Variants in CDKAL1 observed in about 807,000 individuals in gnomAD.
The protein encoded by CDKAL1 is threonylcarbamoyladenosine tRNA methylthiotransferase.
In CDKAL1, 32 loss-of-function variants were observed where a neutral mutation model predicts 68.2. The observed-to-expected ratio is 0.47, with a 90% CI of 0.35 to 0.63. CDKAL1 has a LOEUF of 0.63. CDKAL1 is among the 30% of genes least tolerant of loss of function. The pLI, the probability that CDKAL1 is intolerant of heterozygous loss-of-function variation, is 0.00. For missense variants in CDKAL1, 606 were observed against 696.7 expected, an observed-to-expected ratio of 0.87 and a Z score of 1.47; for synonymous variants, 234 against 244.3, an observed-to-expected ratio of 0.96 and a Z score of 0.39.
chr6:21,148,367 T>TA (rs915912554), intron 13 of CDKAL1, among the ~76,000 whole-genome samples: 13 of 152,138 alleles, frequency 8.5e-5, no homozygotes, highest in African/African-American at 2.9e-4. Context: ...TTAATCCTTC[T>TA]AAAAAAATCC....
At chr6:21,030,952 C>A (rs928434826) in intron 11 of CDKAL1, among the ~76,000 whole-genome samples, 73 of 152,188 alleles carry the variant, frequency 4.8e-4, no homozygotes, top group African/African-American at 1.7e-3. Context: ...TATTTGTTTT[C>A]TAATGCCATG....
intron 8 of CDKAL1, among the ~76,000 whole-genome samples, chr6:20,789,403 A>G (rs933937330): frequency 6.6e-6 from 1 of 152,222 alleles, no homozygotes; most frequent in African/African-American, 2.4e-5. Context: ...GAGCTTTCAA[A>G]TGCTGGCTTA....
chr6:20,578,137 C>A (rs977358828), intron 4 of CDKAL1, among the ~76,000 whole-genome samples: 5 of 152,146 alleles, frequency 3.3e-5, no homozygotes, highest in Admixed American at 6.5e-5. Context: ...CTCTAAATTA[C>A]AAAAAATCGA....
intron 4 of CDKAL1, among the ~76,000 whole-genome samples, chr6:20,616,882 C>CACACACACACACACACACA (rs1161605572): frequency 2.7e-5 from 4 of 146,792 alleles, no homozygotes; most frequent in South Asian, 2.2e-4. Flanking sequence ...CACACACACA[C>CACACACACACACACACACA]TACAAAAATT....
intron 9 of CDKAL1, among the ~76,000 whole-genome samples, chr6:20,931,634 A>G (rs1561894169): frequency 6.6e-6 from 1 of 152,112 alleles, no homozygotes; most frequent in East Asian, 1.9e-4. Context: ...TAATATTGGG[A>G]AAAAAAATTT....
intron 4 of CDKAL1, chr6:20,559,259 A>G (rs944130140): frequency 1.3e-5 from 2 of 152,276 alleles, no homozygotes; most frequent in South Asian, 2.1e-4. Context: ...GAGAGTTAAC[A>G]TGTATGGTTG....
At chr6:21,031,247 TG>T (rs111577947) in intron 11 of CDKAL1, among the ~76,000 whole-genome samples, 79 of 151,934 alleles carry the variant, frequency 5.2e-4, no homozygotes, top group African/African-American at 1.6e-3. Flanking sequence ...CCCATTCCCA[TG>T]TGACCCCCAC....
At chr6:20,702,844 C>A (rs944724845) in intron 5 of CDKAL1, among the ~76,000 whole-genome samples, 1 of 152,114 alleles carries the variant, frequency 6.6e-6, no homozygotes, top group Non-Finnish European at 1.5e-5. Flanking sequence ...GGAGCCCTAG[C>A]CAGGGGCCAC....
At chr6:20,657,790 A>G (rs1057486637) in intron 5 of CDKAL1, among the ~76,000 whole-genome samples, 10 of 152,188 alleles carry the variant, frequency 6.6e-5, no homozygotes, top group Admixed American at 4.6e-4. Context: ...TAAGTAGCAA[A>G]AATAGAGATA....
intron 4 of CDKAL1, among the ~76,000 whole-genome samples, chr6:20,568,745 AAAAAAC>A (rs1561931849): frequency 3.9e-5 from 4 of 102,898 alleles, no homozygotes; most frequent in Non-Finnish European, 8.5e-5. Flanking sequence ...AAAAAAAAAA[AAAAAAC>A]AAAAAAACAA....
At chr6:21,174,337 A>G (rs1161852054) in intron 13 of CDKAL1, among the ~76,000 whole-genome samples, 1 of 152,222 alleles carries the variant, frequency 6.6e-6, no homozygotes, top group African/African-American at 2.4e-5. Context: ...TAGAGTCGGT[A>G]TAATCTTAGT....
intron 5 of CDKAL1, among the ~76,000 whole-genome samples, chr6:20,718,566 C>G (rs1772198998): frequency 1.3e-5 from 2 of 152,116 alleles, no homozygotes; most frequent in South Asian, 2.1e-4. Flanking sequence ...GAATATATTG[C>G]CTGTTTTCAA....
intron 8 of CDKAL1, among the ~76,000 whole-genome samples, chr6:20,813,987 A>C (rs1199724914): frequency 6.6e-6 from 1 of 151,974 alleles, no homozygotes; most frequent in Non-Finnish European, 1.5e-5. Flanking sequence ...TGTCATTTGG[A>C]TTCCATTGAA....
intron 9 of CDKAL1, among the ~76,000 whole-genome samples, chr6:20,895,972 G>A (rs1761658695): frequency 6.6e-6 from 1 of 151,698 alleles, no homozygotes; most frequent in South Asian, 2.1e-4. Flanking sequence ...AACATTATTA[G>A]GAATATGTAA....
chr6:20,624,966 A>G (rs958862555), intron 4 of CDKAL1, among the ~76,000 whole-genome samples: 1 of 152,040 alleles, frequency 6.6e-6, no homozygotes, highest in Non-Finnish European at 1.5e-5. Context: ...TGGTTTAGGA[A>G]ATATACTCAC....
chr6:21,213,703 C>G (rs912494059), intron 15 of CDKAL1, among the ~76,000 whole-genome samples: 1 of 152,128 alleles, frequency 6.6e-6, no homozygotes, highest in Non-Finnish European at 1.5e-5. Flanking sequence ...CTGCCGTGTA[C>G]TATATTATCT....
intron 15 of CDKAL1, among the ~76,000 whole-genome samples, chr6:21,217,294 CTTT>C (rs57097019): frequency 2.1e-5 from 3 of 142,820 alleles, no homozygotes; most frequent in Non-Finnish European, 4.6e-5. Context: ...ATTTCTTTTT[CTTT>C]TTTTTTTTTT....
intron 9 of CDKAL1, among the ~76,000 whole-genome samples, chr6:20,850,619 A>C (rs1299968487): frequency 2.0e-5 from 3 of 151,888 alleles, no homozygotes; most frequent in African/African-American, 7.3e-5. Flanking sequence ...TCTATTTTTG[A>C]TAGAGACAGG....
At position 20,570,539 on chromosome 6, in the gene CDKAL1, T is replaced by C. The variant is rs533216365; in HGVS notation, c.286+21834T>C. Among the ~76,000 whole-genome samples the C allele has an allele frequency of 1.2e-4, 19 of 152,334 alleles. 1 individual carries two copies. The South Asian group carries it at 3.1e-3, about 25-fold the overall frequency. ...CCTTGGCCTCCCGAGTAGCTAGGAC[T>C]ACAGGCATCTGCCACCACTGCCAGC... On this transcript the variant is annotated intron_variant, in intron 4 of 15. Coordinates refer to ENST00000274695, the MANE Select transcript of CDKAL1 (RefSeq NM_017774.3).
Sources: gnomAD v4.1 joint callset for allele counts (sites outside exome capture counted in the v4.1 genomes callset) on GRCh38, gnomAD v4.1.1 for gene constraint, MANE v1.5 for transcripts, NCBI Gene and HGNC (gene_info 2026-07-23, HGNC 2026-07-21) for gene names.